The following TMEM132B variants were observed in gnomAD, a reference collection of about 807,000 sequenced individuals.
The protein encoded by TMEM132B is transmembrane protein 132B.
TMEM132B carries 18 observed loss-of-function variants against 90.8 expected under a neutral mutation model. That is an observed-to-expected ratio of 0.20 (90% CI 0.14 to 0.29). The LOEUF (loss-of-function observed/expected upper bound fraction) is 0.29, where lower values mean the gene tolerates loss of function less well. Among genes scored for constraint, TMEM132B ranks in the 10% least tolerant of loss-of-function variants. The probability of loss-of-function intolerance (pLI) is 1.00; values close to 1 mark genes in which losing one functional copy is unlikely to be tolerated. For synonymous variants in TMEM132B, 504 were observed against 523.3 expected (o/e 0.96, Z 0.50); for missense variants, 1,096 against 1,326.8 (o/e 0.83, Z 2.70).
chr12:125,454,960 T>G (rs534374442), intron 3 of TMEM132B, among the ~76,000 whole-genome samples: 45 of 152,316 alleles, frequency 3.0e-4, no homozygotes, highest in African/African-American at 1.1e-3. Flanking sequence ...ATTAAAAACT[T>G]AAAATACACC....
At chr12:125,578,833 A>G (rs1593003102) in intron 4 of TMEM132B, among the ~76,000 whole-genome samples, 1 of 152,162 alleles carries the variant, frequency 6.6e-6, no homozygotes, top group South Asian at 2.1e-4. Flanking sequence ...GATTGCTTGT[A>G]TATAATGAGG....
intron 5 of TMEM132B, 42 bp downstream of exon 5, chr12:125,584,036 C>G (rs763620708): frequency 1.2e-6 from 2 of 1,613,346 alleles, no homozygotes; most frequent in Admixed American, 3.3e-5. Flanking sequence ...GTGCTCAGAG[C>G]TTTTTGTCGT....
Position 125,658,865 on chromosome 12 carries a change from T to C in TMEM132B, c.*4155T>C, listed in dbSNP as rs1244570846. 8 of 152,236 alleles carry C rather than the reference T, an allele frequency of 5.3e-5. No individual in the cohort carries two copies. Among genetic ancestry groups the C allele is most frequent in the African/African-American group, 1.7e-4 (7 of 41,468 alleles). The allele number at this position is 152,236 out of a possible 1,614,324, so 9.4% of individuals were successfully genotyped here. ...GAAAGGCTGTGGCTTATGTTGGGAT[T>C]GATGATGGAATCTGCCAGAACATTT... is the stretch of plus-strand genomic sequence containing the variant. On this transcript the variant is annotated 3_prime_UTR_variant, in exon 9 of 9. Coordinates refer to ENST00000682704, the MANE Select transcript of TMEM132B (RefSeq NM_001366854.1).
intron 1 of TMEM132B, among the ~76,000 whole-genome samples, chr12:125,334,684 C>T (rs1440550345): frequency 6.6e-6 from 1 of 152,218 alleles, no homozygotes; most frequent in Non-Finnish European, 1.5e-5. Context: ...GCTCCATGCA[C>T]AATGGATTCA....
At chr12:125,508,160 A>G (rs760593751) in intron 3 of TMEM132B, among the ~76,000 whole-genome samples, 2 of 149,226 alleles carry the variant, frequency 1.3e-5, no homozygotes, top group Non-Finnish European at 3.0e-5. Flanking sequence ...AAACTTCATG[A>G]TCTTTGCACC....
chr12:125,562,173 T>C (rs75938744), intron 4 of TMEM132B, among the ~76,000 whole-genome samples: 1,886 of 152,336 alleles, frequency 0.012, 40 homozygotes, highest in African/African-American at 0.044. Flanking sequence ...TTAAGCCTTA[T>C]GAACCAACCT....
intron 1 of TMEM132B, among the ~76,000 whole-genome samples, chr12:125,273,180 A>C (rs1018972618): frequency 6.6e-5 from 10 of 152,120 alleles, no homozygotes; most frequent in African/African-American, 2.2e-4. Flanking sequence ...ATCTCTCTCT[A>C]TATATGTAAT....
chr12:125,525,827 G>A (rs954098363), intron 4 of TMEM132B, among the ~76,000 whole-genome samples: 2 of 152,160 alleles, frequency 1.3e-5, no homozygotes, highest in Non-Finnish European at 1.5e-5. Flanking sequence ...ACTGGGTAAG[G>A]TTGGACCCCT....
At chr12:125,337,722 A>G (rs926194449) in intron 1 of TMEM132B, among the ~76,000 whole-genome samples, 2 of 152,146 alleles carry the variant, frequency 1.3e-5, no homozygotes, top group African/African-American at 4.8e-5. Context: ...AATTTCCGGT[A>G]TTCTGTTCTA....
At position 125,494,846 on chromosome 12, in the gene TMEM132B, C is replaced by G. The variant is rs1236771238; in HGVS notation, c.1107-24593C>G. Reference sequence around the variant, plus strand: ...CTCCTCCCCCTCCTCCCCCTCCTCCCTGGAAATGGCCACGCCCCTCCTCCC... The same window carrying G: ...CTCCTCCCCCTCCTCCCCCTCCTCCGTGGAAATGGCCACGCCCCTCCTCCC... On this transcript the variant is annotated intron_variant, in intron 3 of 8. Transcript: ENST00000682704. 3.3e-4 allele frequency among the ~76,000 whole-genome samples: 12 copies of G among 36,676 alleles called. No individual in the cohort carries two copies. In the East Asian group the frequency reaches 6.5e-3, roughly 20 times the overall value. 24.1% of individuals were successfully genotyped at this position (36,676 alleles called of 152,430 possible). A position where few individuals can be genotyped will look rare whatever the true frequency, so the allele number is the denominator to read the frequency against.
intron 3 of TMEM132B, among the ~76,000 whole-genome samples, chr12:125,502,931 C>A (rs539275915): frequency 1.3e-5 from 2 of 152,128 alleles, no homozygotes; most frequent in Admixed American, 1.3e-4. Context: ...TTCCTGGCTT[C>A]TTTTTGATGT....
intron 3 of TMEM132B, among the ~76,000 whole-genome samples, chr12:125,442,973 T>G (rs1047402112): frequency 6.6e-6 from 1 of 152,198 alleles, no homozygotes; most frequent in African/African-American, 2.4e-5. Context: ...AAACGATGGA[T>G]GTGGTTCTCC....
At chr12:125,340,654 G>C (rs1350146957) in intron 1 of TMEM132B, among the ~76,000 whole-genome samples, 2 of 152,186 alleles carry the variant, frequency 1.3e-5, no homozygotes, top group Non-Finnish European at 2.9e-5. Flanking sequence ...TCTGCCACCT[G>C]ATTCTTTCTA....
chr12:125,592,840 C>T (rs568722964), intron 5 of TMEM132B, among the ~76,000 whole-genome samples: 7 of 152,124 alleles, frequency 4.6e-5, no homozygotes, highest in South Asian at 2.1e-4. Context: ...GTAGAGGAGA[C>T]GAACAAGTGT....
At chr12:125,405,935 A>G (rs1200598568) in intron 2 of TMEM132B, among the ~76,000 whole-genome samples, 1 of 152,140 alleles carries the variant, frequency 6.6e-6, no homozygotes, top group Non-Finnish European at 1.5e-5. Flanking sequence ...CAGCCATCAG[A>G]GTTTGGACAG....
chr12:125,483,278 T>G (rs986548397), intron 3 of TMEM132B, among the ~76,000 whole-genome samples: 1 of 152,024 alleles, frequency 6.6e-6, no homozygotes, highest in African/African-American at 2.4e-5. Context: ...GTGAAATATG[T>G]GAGAAAAAAT....
chr12:125,374,348 C>T (rs940386982), intron 2 of TMEM132B, among the ~76,000 whole-genome samples: 7 of 152,132 alleles, frequency 4.6e-5, no homozygotes, highest in South Asian at 2.1e-4. Context: ...TTAAATTCTC[C>T]GTGGGCACAG....
intron 1 of TMEM132B, among the ~76,000 whole-genome samples, chr12:125,264,727 A>C (rs2136113044): frequency 6.6e-6 from 1 of 150,850 alleles, no homozygotes; most frequent in Non-Finnish European, 1.5e-5. Context: ...AACACAATTT[A>C]AAGTGGCCTA....
chr12:125,415,504 T>C lies in TMEM132B; in HGVS notation c.960-27T>C. On this transcript the variant is annotated intron_variant, in intron 2 of 8. Coordinates refer to ENST00000682704, the MANE Select transcript of TMEM132B (RefSeq NM_001366854.1). The surrounding 1 kb of genome is among the most constrained non-coding windows in gnomAD (Gnocchi z 5.3). ...CAAACTAAAATGGTTTTATTATATA[T>C]AATATCATTGTTTTCCCACCCCACA... 1 of 1,613,290 alleles carries C rather than the reference T, an allele frequency of 6.2e-7. No homozygotes were observed. Among genetic ancestry groups the C allele is most frequent in the Non-Finnish European group, 8.5e-7 (1 of 1,179,696 alleles).
Sources: allele counts gnomAD v4.1 joint callset (sites outside exome capture counted in the v4.1 genomes callset), GRCh38; gene constraint gnomAD v4.1.1; non-coding constraint Gnocchi (gnomAD v3.1); transcripts MANE v1.5; gene names NCBI Gene and HGNC (gene_info 2026-07-23, HGNC 2026-07-21).